REC114: variants seen among roughly 807,000 people sequenced by gnomAD.
REC114 encodes the protein meiotic recombination protein REC114.
Under a neutral mutation model 31.3 loss-of-function variants are expected in REC114, and 27 were observed. The ratio of observed to expected loss-of-function variants is 0.86; its 90% confidence interval spans 0.64 to 1.19. REC114 has a LOEUF of 1.19. REC114 is among the 50% of genes most tolerant of loss of function. The pLI is 0.00. For synonymous variants in REC114, 134 were observed against 127.7 expected (o/e 1.05, Z -0.33); for missense variants, 344 against 326.9 (o/e 1.05, Z -0.40).
At chr15:73,558,328 T>C (rs183907455) in intron 5 of REC114, among the ~76,000 whole-genome samples, 9 of 151,982 alleles carry the variant, frequency 5.9e-5, no homozygotes, top group Non-Finnish European at 1.0e-4. Flanking sequence ...ATGTGAGGAG[T>C]CAATAAGATG....
At chr15:73,458,323 G>A (rs957268974) in intron 1 of REC114, among the ~76,000 whole-genome samples, 1 of 152,168 alleles carries the variant, frequency 6.6e-6, no homozygotes, top group African/African-American at 2.4e-5. Context: ...GGGTAACATA[G>A]GAAGTGGAAG....
chr15:73,481,650 C>CTT lies in REC114; in HGVS notation c.249+7754_249+7755dup, dbSNP rs530704232. ...ACATAAAATTTACCATCTTAACTCCCTTTTTTTTTTTTTTTTTTTTTTTTT... is the reference window on the plus strand; with the variant it reads ...ACATAAAATTTACCATCTTAACTCCCTTTTTTTTTTTTTTTTTTTTTTTTTTT... On this transcript the variant is annotated intron_variant, in intron 2 of 5. Transcript: ENST00000331090. 1.6e-3 allele frequency among the ~76,000 whole-genome samples: 181 copies of CTT among 114,072 alleles called. 7 individuals are homozygous for CTT. Among genetic ancestry groups the CTT allele is most frequent in the South Asian group, 2.6e-3 (9 of 3,512 alleles). 74.8% of individuals were successfully genotyped at this position (114,072 alleles called of 152,430 possible).
chr15:73,470,612 G>A (rs1017862315), intron 1 of REC114, among the ~76,000 whole-genome samples: 1 of 151,810 alleles, frequency 6.6e-6, no homozygotes, highest in South Asian at 2.1e-4. Context: ...TGTCCAAAAC[G>A]GGGAAAAAAA....
intron 3 of REC114, among the ~76,000 whole-genome samples, chr15:73,543,331 T>C (rs1894265168): frequency 6.6e-6 from 1 of 152,164 alleles, no homozygotes; most frequent in South Asian, 2.1e-4. Context: ...GTCAATGGTT[T>C]TTTTGTTTGT....
At chr15:73,551,689 C>G (rs763403283) in intron 4 of REC114, among the ~76,000 whole-genome samples, 1 of 152,160 alleles carries the variant, frequency 6.6e-6, no homozygotes, top group African/African-American at 2.4e-5. Context: ...GTATTTTGAA[C>G]TAGCCTCTTT....
chr15:73,494,374 C>T (rs1298866101), intron 2 of REC114, among the ~76,000 whole-genome samples: 1 of 151,824 alleles, frequency 6.6e-6, no homozygotes, highest in East Asian at 1.9e-4. Flanking sequence ...CACCTGTAGT[C>T]CCAGCTACTT....
intron 1 of REC114, among the ~76,000 whole-genome samples, chr15:73,448,596 C>T (rs946320173): frequency 1.3e-5 from 2 of 152,222 alleles, no homozygotes; most frequent in Non-Finnish European, 2.9e-5. Flanking sequence ...ATGTCCCTGC[C>T]TGACAGCTCT....
At chr15:73,491,591 TAC>T (rs1467873785) in intron 2 of REC114, among the ~76,000 whole-genome samples, 5 of 152,168 alleles carry the variant, frequency 3.3e-5, no homozygotes, top group Non-Finnish European at 7.3e-5. Flanking sequence ...GAAACTTCTG[TAC>T]AGTTTTTCAA....
chr15:73,457,251 C>T (rs1197173602), intron 1 of REC114, among the ~76,000 whole-genome samples: 2 of 152,220 alleles, frequency 1.3e-5, no homozygotes, highest in East Asian at 3.9e-4. Flanking sequence ...TAAGAACAGG[C>T]ACTATTCCCT....
chr15:73,538,751 G>A (rs1183042308), intron 2 of REC114, among the ~76,000 whole-genome samples: 2 of 151,972 alleles, frequency 1.3e-5, no homozygotes, highest in Non-Finnish European at 2.9e-5. Flanking sequence ...CACCGCACCT[G>A]GCTCAAATTC....
chr15:73,514,935 T>C (rs1595875129), intron 2 of REC114, among the ~76,000 whole-genome samples: 1 of 151,410 alleles, frequency 6.6e-6, no homozygotes, highest in East Asian at 1.9e-4. Flanking sequence ...TCTGATTTTT[T>C]TTTTTTTTTT....
chr15:73,479,564 T>C (rs1187192054), intron 2 of REC114, among the ~76,000 whole-genome samples: 1 of 152,132 alleles, frequency 6.6e-6, no homozygotes, highest in African/African-American at 2.4e-5. Context: ...CTTCATACCC[T>C]TTGACCAACA....
chr15:73,543,390 T>A (rs1894266045), intron 3 of REC114, among the ~76,000 whole-genome samples: 1 of 152,202 alleles, frequency 6.6e-6, no homozygotes, highest in Non-Finnish European at 1.5e-5. Context: ...TGGAGTGCAA[T>A]GGCGTGATCT....
chr15:73,521,722 C>A (rs1893937962), intron 2 of REC114, among the ~76,000 whole-genome samples: 2 of 152,014 alleles, frequency 1.3e-5, no homozygotes, highest in Admixed American at 6.6e-5. Flanking sequence ...GGATGAAATG[C>A]ACAAATTTCT....
chr15:73,531,900 C>G (rs1380515269), intron 2 of REC114, among the ~76,000 whole-genome samples: 2 of 152,040 alleles, frequency 1.3e-5, no homozygotes, highest in Non-Finnish European at 2.9e-5. Flanking sequence ...TTCCACATTA[C>G]TCTGTCCTGG....
At chr15:73,475,498 T>C (rs1361370878) in intron 2 of REC114, among the ~76,000 whole-genome samples, 1 of 152,200 alleles carries the variant, frequency 6.6e-6, no homozygotes, top group East Asian at 1.9e-4. Context: ...ATGTGCATGT[T>C]TGTGTCTTAG....
intron 2 of REC114, among the ~76,000 whole-genome samples, chr15:73,482,559 A>C (rs1016453401): frequency 6.6e-6 from 1 of 152,212 alleles, no homozygotes; most frequent in African/African-American, 2.4e-5. Context: ...CTTTATAGCA[A>C]TGTAAAAACA....
chr15:73,491,312 T>G lies in REC114; in HGVS notation c.249+17391T>G, dbSNP rs1197801354. 1.2e-4 allele frequency among the ~76,000 whole-genome samples: 18 copies of G among 152,268 alleles called. 1 individual carries two copies. Among genetic ancestry groups the G allele is most frequent in the African/African-American group, 4.3e-4 (18 of 41,562 alleles). On this transcript the variant is annotated intron_variant, in intron 2 of 5. Transcript: ENST00000331090. The stretch of plus-strand genomic sequence containing the variant: ...TTTTGTGTATTTTCTTAATTTCTTT[T>G]TGTATATATAAGTATTTGTGTATTA...
chr15:73,550,679 G>C (rs551977950), intron 3 of REC114, among the ~76,000 whole-genome samples: 6 of 152,246 alleles, frequency 3.9e-5, no homozygotes, highest in Admixed American at 3.9e-4. Context: ...TGATCTTCCT[G>C]TCTTTATGAT....
Sources: gnomAD v4.1 joint callset for allele counts (sites outside exome capture counted in the v4.1 genomes callset) on GRCh38, gnomAD v4.1.1 for gene constraint, MANE v1.5 for transcripts, NCBI Gene and HGNC (gene_info 2026-07-23, HGNC 2026-07-21) for gene names.